The following ADAMTSL1 variants were observed in gnomAD, a reference collection of about 807,000 sequenced individuals.
The protein encoded by ADAMTSL1 is ADAMTS-like protein 1.
In ADAMTSL1, 126 loss-of-function variants were observed where a neutral mutation model predicts 201.8. That is an observed-to-expected ratio of 0.62 (90% CI 0.54 to 0.72). The LOEUF is 0.72. Ranked by LOEUF, ADAMTSL1 falls within the 30% of genes least tolerant of loss-of-function variation. The pLI is 0.00. For missense variants in ADAMTSL1, 2,679 were observed against 2,277.8 expected (o/e 1.18, Z -3.59); for synonymous variants, 1,121 against 903.4 (o/e 1.24, Z -4.32).
At chr9:18,604,889 C>A (rs1458783941) in intron 4 of ADAMTSL1, among the ~76,000 whole-genome samples, 3 of 152,216 alleles carry the variant, frequency 2.0e-5, no homozygotes, top group Non-Finnish European at 2.9e-5. Context: ...CTGCCTCCTA[C>A]TCATGCCTAC....
intron 2 of ADAMTSL1, among the ~76,000 whole-genome samples, chr9:18,347,853 C>T (rs1370859121): frequency 2.0e-5 from 3 of 152,052 alleles, no homozygotes; most frequent in African/African-American, 4.8e-5. Context: ...GGTAGGCAGG[C>T]AGACATTCAG....
At chr9:18,807,495 A>T (rs1316445639) in intron 20 of ADAMTSL1, among the ~76,000 whole-genome samples, 1 of 152,066 alleles carries the variant, frequency 6.6e-6, no homozygotes, top group African/African-American at 2.4e-5. Context: ...AATACAAAAA[A>T]TTAGCCGGGC....
At position 18,680,420 on chromosome 9, in the gene ADAMTSL1, G is replaced by A. The variant is rs1191163173; in HGVS notation, c.1245G>A (p.Val415=). 6.2e-7 allele frequency: 1 copy of A among 1,614,164 alleles called. No individual in the cohort carries two copies. The highest frequency in any genetic ancestry group is 2.2e-5 in the East Asian group (1 of 44,882). ...EEDIQGHVTS[V]EEWKCMYTPK... ...ACATCCAGGGGCATGTCACTTCAGTGGAAGAGTGGAAATGCATGTACACCC... is the reference window on the plus strand; with the variant it reads ...ACATCCAGGGGCATGTCACTTCAGTAGAAGAGTGGAAATGCATGTACACCC... The change falls in exon 11 of 29, where the codon GTG becomes GTA. Residue 415 remains valine, a synonymous_variant. Transcript: ENST00000380548.
chr9:18,706,792 G>T lies in ADAMTSL1; in HGVS notation c.1620G>T (p.Val540=). The T allele has an allele frequency of 6.2e-7, 1 of 1,608,596 alleles. No homozygotes were observed. Among genetic ancestry groups the T allele is most frequent in the Non-Finnish European group, 8.5e-7 (1 of 1,177,476 alleles). The change falls in exon 14 of 29, where the codon GTG becomes GTT. Residue 540 remains valine, a synonymous_variant. Coordinates refer to ENST00000380548, the MANE Select transcript of ADAMTSL1 (RefSeq NM_001040272.6). ...CGGCCTGCACAGTCACCTGTGGTGT[G>T]GGGACCCAGGTGCGAATAGTCAGGT... The part of the protein sequence containing the change: ...AWSACTVTCG[V]GTQVRIVRCQ...
intron 2 of ADAMTSL1, chr9:18,360,463 C>T (rs1836468012): frequency 6.6e-6 from 1 of 152,152 alleles, no homozygotes; most frequent in African/African-American, 2.4e-5. Context: ...TCAGTGCCCT[C>T]TTCCATAAAA....
At chr9:18,899,751 T>C (rs1178496107) in intron 26 of ADAMTSL1, among the ~76,000 whole-genome samples, 1 of 152,142 alleles carries the variant, frequency 6.6e-6, no homozygotes, top group Non-Finnish European at 1.5e-5. Flanking sequence ...AGAAAATTGA[T>C]ACTGGACTCC....
chr9:18,061,435 C>G (rs1205764433), intron 1 of ADAMTSL1, among the ~76,000 whole-genome samples: 1 of 152,156 alleles, frequency 6.6e-6, no homozygotes, highest in Non-Finnish European at 1.5e-5. Context: ...GTACTATGAA[C>G]TCTTTCTCTA....
intron 13 of ADAMTSL1, chr9:18,685,071 C>T (rs866346450): frequency 3.1e-5 from 29 of 925,990 alleles, no homozygotes; most frequent in East Asian, 1.2e-4. Context: ...CTCTTCTCTG[C>T]GCAAGGGGCC....
intron 8 of ADAMTSL1, 76 bp downstream of exon 8, chr9:18,657,826 T>C: frequency 8.0e-7 from 1 of 1,247,778 alleles, no homozygotes; most frequent in Non-Finnish European, 1.2e-6. Flanking sequence ...GTAGAGTTAC[T>C]TCAGCATGGA....
At chr9:18,552,966 C>G (rs1377534485) in intron 3 of ADAMTSL1, among the ~76,000 whole-genome samples, 1 of 151,446 alleles carries the variant, frequency 6.6e-6, no homozygotes, top group Non-Finnish European at 1.5e-5. Flanking sequence ...TTTCTTCCAT[C>G]TATTTGCTGT....
chr9:18,670,429 A>C (rs1256255270), intron 9 of ADAMTSL1, among the ~76,000 whole-genome samples: 1 of 152,200 alleles, frequency 6.6e-6, no homozygotes, highest in Non-Finnish European at 1.5e-5. Context: ...TTCTCTGCTC[A>C]CATCAGCCAA....
chr9:18,621,348 G>A (rs747577791), intron 4 of ADAMTSL1, among the ~76,000 whole-genome samples: 63 of 152,138 alleles, frequency 4.1e-4, no homozygotes, highest in Admixed American at 5.9e-4. Flanking sequence ...AATGTTTCAC[G>A]AGGAGTCTTT....
intron 4 of ADAMTSL1, among the ~76,000 whole-genome samples, chr9:18,577,237 G>A (rs1018790025): frequency 4.6e-5 from 7 of 152,260 alleles, no homozygotes; most frequent in Non-Finnish European, 5.9e-5. Context: ...TGTAATCTGG[G>A]CATTTTGGTA....
intron 1 of ADAMTSL1, among the ~76,000 whole-genome samples, chr9:17,924,416 G>A (rs946387181): frequency 6.4e-4 from 97 of 152,258 alleles, no homozygotes; most frequent in Admixed American, 2.6e-3. Flanking sequence ...TTTGCGTAGA[G>A]GTGTTTGCAG....
chr9:18,328,983 C>T (rs959785629), intron 2 of ADAMTSL1, among the ~76,000 whole-genome samples: 2 of 152,110 alleles, frequency 1.3e-5, no homozygotes, highest in African/African-American at 2.4e-5. Context: ...AACAACCCCC[C>T]ACCCTTTGCT....
chr9:18,295,692 A>G (rs1217744740), intron 2 of ADAMTSL1, among the ~76,000 whole-genome samples: 1 of 152,110 alleles, frequency 6.6e-6, no homozygotes, highest in Non-Finnish European at 1.5e-5. Flanking sequence ...AAATTTCTTG[A>G]ATTTCATCCT....
At chr9:18,157,803 G>C (rs1030964957) in intron 1 of ADAMTSL1, among the ~76,000 whole-genome samples, 1 of 151,942 alleles carries the variant, frequency 6.6e-6, no homozygotes, top group African/African-American at 2.4e-5. Flanking sequence ...ATCTTCTTGG[G>C]GATCATATTT....
intron 13 of ADAMTSL1, among the ~76,000 whole-genome samples, chr9:18,689,911 G>A (rs1831111619): frequency 6.6e-6 from 1 of 152,170 alleles, no homozygotes; most frequent in East Asian, 1.9e-4. Context: ...GGCTTTGCAT[G>A]GTTAGGAGAC....
chr9:17,937,860 G>A (rs551730064), intron 1 of ADAMTSL1, among the ~76,000 whole-genome samples: 1 of 152,220 alleles, frequency 6.6e-6, no homozygotes, highest in Admixed American at 6.5e-5. Flanking sequence ...CAAAATAATG[G>A]TGTTTTACAA....
Sources: allele counts gnomAD v4.1 joint callset (sites outside exome capture counted in the v4.1 genomes callset), GRCh38; gene constraint gnomAD v4.1.1; transcripts MANE v1.5; gene names NCBI Gene and HGNC (gene_info 2026-07-23, HGNC 2026-07-21).